The following DIAPH1 variants were observed in gnomAD, a reference collection of about 807,000 sequenced individuals.
DIAPH1 encodes protein diaphanous homolog 1.
DIAPH1 carries 46 observed loss-of-function variants against 140.7 expected under a neutral mutation model. That is an observed-to-expected ratio of 0.33 (90% CI 0.26 to 0.42). The LOEUF is 0.42. Among genes scored for constraint, DIAPH1 ranks in the 10% least tolerant of loss-of-function variants. The pLI is 1.00. For synonymous variants in DIAPH1, 565 were observed against 551.6 expected (o/e 1.02, Z -0.34); for missense variants, 1,310 against 1,558.7 (o/e 0.84, Z 2.69).
intron 18 of DIAPH1, among the ~76,000 whole-genome samples, chr5:141,561,263 G>C (rs1398809255): frequency 6.6e-6 from 1 of 152,062 alleles, no homozygotes; most frequent in Non-Finnish European, 1.5e-5. Flanking sequence ...CAGGAGGAAA[G>C]AATGGTTCCA....
chr5:141,525,732 A>C (rs2099887241), intron 26 of DIAPH1, among the ~76,000 whole-genome samples: 1 of 152,208 alleles, frequency 6.6e-6, no homozygotes, highest in African/African-American at 2.4e-5. Context: ...AGAACAGGCC[A>C]GAGGAACCTT....
At chr5:141,579,954 A>T (rs1254788423) in intron 8 of DIAPH1, among the ~76,000 whole-genome samples, 1 of 152,072 alleles carries the variant, frequency 6.6e-6, no homozygotes, top group South Asian at 2.1e-4. Context: ...TCTCAAAAAA[A>T]AAAAAGGAAA....
chr5:141,614,401 A>C (rs2099902322), intron 1 of DIAPH1, among the ~76,000 whole-genome samples: 1 of 152,200 alleles, frequency 6.6e-6, no homozygotes, highest in Admixed American at 6.5e-5. Context: ...ATAAAATACC[A>C]AGGGCCTTGG....
At chr5:141,581,614 C>T (rs1434719213) in intron 7 of DIAPH1, among the ~76,000 whole-genome samples, 1 of 152,180 alleles carries the variant, frequency 6.6e-6, no homozygotes, top group Admixed American at 6.5e-5. Context: ...AGGCACAGGA[C>T]TGTGGGCTCA....
intron 1 of DIAPH1, among the ~76,000 whole-genome samples, chr5:141,602,616 T>C (rs1258380468): frequency 1.3e-5 from 2 of 152,200 alleles, no homozygotes; most frequent in Non-Finnish European, 2.9e-5. Context: ...TAGGGTTCTG[T>C]TGTCTCAGAG....
chr5:141,613,228 T>TC (rs1250102156), intron 1 of DIAPH1, among the ~76,000 whole-genome samples: 1 of 152,022 alleles, frequency 6.6e-6, no homozygotes, highest in Non-Finnish European at 1.5e-5. Context: ...ATCTGTTCTA[T>TC]CCCCCGCCTT....
At chr5:141,563,592 G>C (rs1463016402) in intron 18 of DIAPH1, 1 of 152,190 alleles carries the variant, frequency 6.6e-6, no homozygotes, top group Non-Finnish European at 1.5e-5. Flanking sequence ...CCCCCAACTA[G>C]ATGGTCTAAG....
chr5:141,539,017 G>A (rs1158828166), intron 18 of DIAPH1, among the ~76,000 whole-genome samples: 1 of 151,726 alleles, frequency 6.6e-6, no homozygotes, highest in East Asian at 2.0e-4. Context: ...GCTCACGCCT[G>A]TAATCCCAGC....
chr5:141,548,155 C>A (rs1481666557), intron 18 of DIAPH1, among the ~76,000 whole-genome samples: 2 of 151,486 alleles, frequency 1.3e-5, no homozygotes, highest in African/African-American at 4.9e-5. Flanking sequence ...GCTATGATTG[C>A]GCCACTCCAC....
At chr5:141,574,906 G>A (rs759378387) in intron 15 of DIAPH1, 61 bp downstream of exon 15, 12 of 1,593,022 alleles carry the variant, frequency 7.5e-6, no homozygotes, top group Admixed American at 1.7e-5. Flanking sequence ...ACTGACTCCT[G>A]TTCCAAGCCA....
chr5:141,541,237 G>A (rs1160028908), intron 18 of DIAPH1, among the ~76,000 whole-genome samples: 1 of 152,108 alleles, frequency 6.6e-6, no homozygotes, highest in African/African-American at 2.4e-5. Flanking sequence ...GGTAAACTTG[G>A]AATTAATGGC....
intron 18 of DIAPH1, among the ~76,000 whole-genome samples, chr5:141,547,561 CA>C (rs2099890999): frequency 6.6e-6 from 1 of 152,030 alleles, no homozygotes; most frequent in African/African-American, 2.4e-5. Context: ...ATGGGTTTAA[CA>C]GTAGACATAG....
At position 141,524,271 on chromosome 5, in the gene DIAPH1, G is replaced by C. The variant is rs775597722; in HGVS notation, c.3575-42C>G. On this transcript the variant is annotated intron_variant, in intron 26 of 27. Transcript: ENST00000389054. Reference sequence around the variant, plus strand: ...GATGGAGATGTGAACTCTTCAGCCAGAGCAGCATGGCAAATATCAAGCCCC... The same window carrying C: ...GATGGAGATGTGAACTCTTCAGCCACAGCAGCATGGCAAATATCAAGCCCC... The C allele has an allele frequency of 5.1e-6, 8 of 1,564,388 alleles. No individual in the cohort carries two copies. The East Asian group carries it at 1.6e-4, about 31-fold the overall frequency.
In DIAPH1 at chr5:141,526,087, C is replaced by T. The variant is rs1302474828; in HGVS notation, c.3525G>A (p.Glu1175=). 6.2e-7 allele frequency: 1 copy of T among 1,614,116 alleles called. No individual in the cohort carries two copies. Among genetic ancestry groups the T allele is most frequent in the South Asian group, 1.1e-5 (1 of 91,084 alleles). ...CTCTCTTCTGCTGCTTCTCTAGCCG[C>T]TCCTTCTCTGCCTTCTCCTTGGCTA... ...AKLAKEKAEK[E]RLEKQQKREQ... The change falls in exon 26 of 28, where the codon GAG becomes GAA. Residue 1175 remains glutamate (E), a synonymous_variant. Transcript: ENST00000389054.
At chr5:141,616,868 C>A (rs2154597494) in intron 1 of DIAPH1, among the ~76,000 whole-genome samples, 1 of 152,296 alleles carries the variant, frequency 6.6e-6, no homozygotes, top group Non-Finnish European at 1.5e-5. Flanking sequence ...CAACCCTGAG[C>A]CAAATCCATT....
At chr5:141,567,492 C>G (rs972667527) in intron 18 of DIAPH1, among the ~76,000 whole-genome samples, 5 of 152,192 alleles carry the variant, frequency 3.3e-5, no homozygotes, top group African/African-American at 4.8e-5. Flanking sequence ...AAAGGTAAGA[C>G]TCCCAACAAG....
intron 24 of DIAPH1, 37 bp downstream of exon 24, chr5:141,527,536 T>TCCTA: frequency 6.2e-7 from 1 of 1,611,384 alleles, no homozygotes; most frequent in Non-Finnish European, 8.5e-7. Flanking sequence ...TTCTTTCCCT[T>TCCTA]CCTAGGGAAC....
At chr5:141,534,494 G>T in intron 18 of DIAPH1, 61 bp from the exon 19 acceptor site, 1 of 1,334,060 alleles carries the variant, frequency 7.5e-7, no homozygotes, top group Non-Finnish European at 1.1e-6. Context: ...GCTTTACCAA[G>T]CAACTACTGT....
At chr5:141,592,593 T>C (rs187885288) in intron 1 of DIAPH1, among the ~76,000 whole-genome samples, 1 of 152,330 alleles carries the variant, frequency 6.6e-6, no homozygotes, top group South Asian at 2.1e-4. Flanking sequence ...ATATCCAAGA[T>C]TCTTAAAATT....
Sources: gnomAD v4.1 joint callset for allele counts (sites outside exome capture counted in the v4.1 genomes callset) on GRCh38, gnomAD v4.1.1 for gene constraint, MANE v1.5 for transcripts, NCBI Gene and HGNC (gene_info 2026-07-23, HGNC 2026-07-21) for gene names.